MAD1L1: variants seen among roughly 807,000 people sequenced by gnomAD.
MAD1L1 encodes mitotic spindle assembly checkpoint protein MAD1.
In MAD1L1, 95 loss-of-function variants were observed where a neutral mutation model predicts 96.9. That is an observed-to-expected ratio of 0.98 (90% CI 0.83 to 1.16). The LOEUF (loss-of-function observed/expected upper bound fraction) is 1.16, where lower values mean the gene tolerates loss of function less well. Ranked by LOEUF, MAD1L1 falls within the 50% of genes most tolerant of loss-of-function variation. The pLI, the probability that MAD1L1 is intolerant of heterozygous loss-of-function variation, is 0.00. For missense variants in MAD1L1, 1,007 were observed against 954.4 expected (o/e 1.06, Z -0.73); for synonymous variants, 473 against 396.6 (o/e 1.19, Z -2.29).
chr7:2,067,295 G>A (rs1044171456), intron 12 of MAD1L1, among the ~76,000 whole-genome samples: 6 of 151,686 alleles, frequency 4.0e-5, no homozygotes, highest in African/African-American at 9.7e-5. Context: ...GCAGGCACCC[G>A]GGGTCATCAG....
At chr7:1,870,812 A>G (rs1195049908) in intron 18 of MAD1L1, among the ~76,000 whole-genome samples, 1 of 53,514 alleles carries the variant, frequency 1.9e-5, no homozygotes, top group Non-Finnish European at 3.1e-5. Context: ...TATGCCTGCC[A>G]CGCTGAACCG....
chr7:1,824,015 C>T (rs567528862), intron 18 of MAD1L1, among the ~76,000 whole-genome samples: 37 of 152,256 alleles, frequency 2.4e-4, no homozygotes, highest in Non-Finnish European at 4.7e-4. Flanking sequence ...GGACGGAGAG[C>T]GGGAAGCAAG....
chr7:2,138,461 G>A (rs1292521256), intron 11 of MAD1L1, among the ~76,000 whole-genome samples: 1 of 152,210 alleles, frequency 6.6e-6, no homozygotes, highest in South Asian at 2.1e-4. Flanking sequence ...GAGCACTTCA[G>A]CATGCAGAGG....
chr7:2,189,916 T>C (rs1385897443), intron 10 of MAD1L1, among the ~76,000 whole-genome samples: 1 of 152,072 alleles, frequency 6.6e-6, no homozygotes, highest in South Asian at 2.1e-4. Flanking sequence ...ATCTAAACGC[T>C]TTCCCTCTAA....
intron 18 of MAD1L1, among the ~76,000 whole-genome samples, chr7:1,879,305 C>A (rs10266703): frequency 0.41 from 61,573 of 151,628 alleles, 13,108 homozygotes; most frequent in Admixed American, 0.52. Flanking sequence ...AAAATAAAAA[C>A]TTAGCCGGGT....
chr7:2,035,110 C>A (rs1001951257), intron 12 of MAD1L1, among the ~76,000 whole-genome samples: 9 of 152,240 alleles, frequency 5.9e-5, no homozygotes, highest in Non-Finnish European at 5.9e-5. Context: ...TAAAGAAATG[C>A]CAGACACGAT....
At chr7:2,197,302 C>T (rs1305665260) in intron 10 of MAD1L1, among the ~76,000 whole-genome samples, 1 of 152,160 alleles carries the variant, frequency 6.6e-6, no homozygotes, top group Non-Finnish European at 1.5e-5. Context: ...AGACATATGC[C>T]CGGCTAGATC....
chr7:1,847,243 T>A (rs1459345327), intron 18 of MAD1L1: 1 of 470,906 alleles, frequency 2.1e-6, no homozygotes, highest in South Asian at 1.5e-5. Context: ...TCCTTTTCTG[T>A]TTAGGAAGCA....
intron 11 of MAD1L1, among the ~76,000 whole-genome samples, chr7:2,116,669 G>T (rs1381351126): frequency 6.6e-6 from 1 of 152,074 alleles, no homozygotes; most frequent in East Asian, 1.9e-4. Flanking sequence ...GGGGGCCCAG[G>T]TCCATCGGAC....
intron 18 of MAD1L1, among the ~76,000 whole-genome samples, chr7:1,828,244 C>G (rs1026111466): frequency 6.6e-6 from 1 of 152,126 alleles, no homozygotes; most frequent in African/African-American, 2.4e-5. Context: ...AGTTTTCAGT[C>G]AGGAAGGGTG....
chr7:1,825,966 G>A (rs1215688788), intron 18 of MAD1L1, among the ~76,000 whole-genome samples: 2 of 152,118 alleles, frequency 1.3e-5, no homozygotes, highest in Non-Finnish European at 2.9e-5. Context: ...CCAGCCCCAG[G>A]GTTGGAGGTC....
intron 10 of MAD1L1, among the ~76,000 whole-genome samples, chr7:2,169,627 GT>G (rs1417675263): frequency 6.6e-6 from 1 of 152,246 alleles, no homozygotes; most frequent in African/African-American, 2.4e-5. Context: ...GGTGCATGGA[GT>G]TTAAAGGAGA....
chr7:1,911,930 C>A (rs534742520), intron 17 of MAD1L1, among the ~76,000 whole-genome samples: 1 of 152,382 alleles, frequency 6.6e-6, no homozygotes, highest in Non-Finnish European at 1.5e-5. Context: ...AAGGCAGGGG[C>A]TGGGCCTCAC....
chr7:2,178,300 T>C (rs1791035941), intron 10 of MAD1L1, among the ~76,000 whole-genome samples: 1 of 152,226 alleles, frequency 6.6e-6, no homozygotes, highest in Non-Finnish European at 1.5e-5. Flanking sequence ...AATAAGAACC[T>C]TTCCTCCTTT....
At chr7:2,068,093 G>A (rs952248019) in intron 12 of MAD1L1, among the ~76,000 whole-genome samples, 1 of 152,264 alleles carries the variant, frequency 6.6e-6, no homozygotes, top group Non-Finnish European at 1.5e-5. Flanking sequence ...CTCTGCCAGA[G>A]GCAGCAGACA....
At chr7:2,100,955 T>C (rs1786752556) in intron 11 of MAD1L1, among the ~76,000 whole-genome samples, 1 of 152,330 alleles carries the variant, frequency 6.6e-6, no homozygotes, top group African/African-American at 2.4e-5. Context: ...TAAAGTCGTA[T>C]CATTTCTGTA....
rs185898228 is a variant in MAD1L1 at position 2,188,389 on chromosome 7, A to C, written c.986+24823T>G. On this transcript the variant is annotated intron_variant, in intron 10 of 18. Transcript: ENST00000265854. Reference sequence around the variant, plus strand: ...GGACCCAAAGGTCCCTCGCCAAAGCAATCTTGAAAAGTTAGAACAAAGTTG... The same window carrying C: ...GGACCCAAAGGTCCCTCGCCAAAGCCATCTTGAAAAGTTAGAACAAAGTTG... 7.9e-5 allele frequency among the ~76,000 whole-genome samples: 12 copies of C among 152,358 alleles called. No individual in the cohort carries two copies. In the East Asian group the frequency reaches 2.3e-3, roughly 29 times the overall value.
chr7:2,084,994 C>A (rs1584282110), intron 11 of MAD1L1, among the ~76,000 whole-genome samples: 1 of 152,190 alleles, frequency 6.6e-6, no homozygotes, highest in East Asian at 1.9e-4. Flanking sequence ...AAGCCAAGGA[C>A]TATCATCATG....
chr7:1,927,812 A>T (rs1789174938), intron 17 of MAD1L1, among the ~76,000 whole-genome samples: 1 of 152,210 alleles, frequency 6.6e-6, no homozygotes, highest in Admixed American at 6.5e-5. Flanking sequence ...AGAAAACCTG[A>T]TCATCAGCAT....
Sources: gnomAD v4.1 joint callset for allele counts (sites outside exome capture counted in the v4.1 genomes callset) on GRCh38, gnomAD v4.1.1 for gene constraint, MANE v1.5 for transcripts, NCBI Gene and HGNC (gene_info 2026-07-23, HGNC 2026-07-21) for gene names.